The following ATIC variants were observed in gnomAD, a reference collection of about 807,000 sequenced individuals.
ATIC encodes the protein 5-aminoimidazole-4-carboxamide ribonucleotide formyltransferase/IMP cyclohydrolase, also known as bifunctional purine biosynthesis protein ATIC.
A neutral mutation model predicts 72.5 loss-of-function variants in ATIC; 64 were observed. The ratio of observed to expected loss-of-function variants is 0.88; its 90% CI spans 0.72 to 1.09. The LOEUF (loss-of-function observed/expected upper bound fraction) is 1.09. Ranked by LOEUF, ATIC falls within the 50% of genes least tolerant of loss-of-function variation. The pLI is 0.00. For missense variants in ATIC, 787 were observed against 732.4 expected, an observed-to-expected ratio of 1.07 and a Z score of -0.86; for synonymous variants, 281 against 267.1, an observed-to-expected ratio of 1.05 and a Z score of -0.51.
intron 7 of ATIC, among the ~76,000 whole-genome samples, chr2:215,331,660 G>A (rs916407920): frequency 5.9e-5 from 9 of 152,104 alleles, no homozygotes; most frequent in Admixed American, 5.9e-4. Flanking sequence ...GGGGTCATGG[G>A]GGTGAGCCAT....
intron 4 of ATIC, among the ~76,000 whole-genome samples, chr2:215,320,572 T>C (rs2052755814): frequency 6.6e-6 from 1 of 152,104 alleles, no homozygotes; most frequent in Admixed American, 6.6e-5. Flanking sequence ...TTAACTTTTA[T>C]TCTTAATTTA....
chr2:215,345,544 A>G (rs948122283), intron 13 of ATIC: 2 of 155,274 alleles, frequency 1.3e-5, no homozygotes, highest in African/African-American at 2.4e-5. Flanking sequence ...GAGCTGGTTC[A>G]TCTCTGAGGT....
chr2:215,321,964 C>T (rs545169756), intron 4 of ATIC, among the ~76,000 whole-genome samples: 6 of 152,074 alleles, frequency 3.9e-5, no homozygotes, highest in Non-Finnish European at 7.4e-5. Context: ...AGCACAGTGG[C>T]GTCATCTTGG....
At chr2:215,347,429 G>A (rs570437887) in intron 14 of ATIC, among the ~76,000 whole-genome samples, 1 of 152,180 alleles carries the variant, frequency 6.6e-6, no homozygotes, top group African/African-American at 2.4e-5. Flanking sequence ...ATGTTCTTCT[G>A]TTTGAAGAAG....
chr2:215,346,797 C>A lies in ATIC; in HGVS notation c.1359C>A (p.His453Gln). The A allele has an allele frequency of 4.3e-6, 7 of 1,614,206 alleles. No individual in the cohort carries two copies. The highest frequency in any genetic ancestry group is 5.9e-6 in the Non-Finnish European group (7 of 1,180,038). The change falls in exon 14 of 16, where the codon CAC becomes CAA. Residue 453 changes from histidine to glutamine, a missense_variant. Physicochemically the swap from His to Gln is conservative, Grantham distance 24. Transcript: ENST00000236959. ...GAGCAGGACAGCAGTCTCGTATACA[C>A]TGCACTCGCCTTGCAGGAGATAAGG... is the stretch of plus-strand genomic sequence containing the variant. ...GIGAGQQSRI[H>Q]CTRLAGDKAN...
At chr2:215,320,562 T>C (rs2052755719) in intron 4 of ATIC, among the ~76,000 whole-genome samples, 1 of 152,090 alleles carries the variant, frequency 6.6e-6, no homozygotes, top group African/African-American at 2.4e-5. Context: ...CTTTTACTTT[T>C]TAACTTTTAT....
At chr2:215,328,207 C>T (rs898421218) in intron 7 of ATIC, among the ~76,000 whole-genome samples, 9 of 152,130 alleles carry the variant, frequency 5.9e-5, no homozygotes, top group Non-Finnish European at 1.2e-4. Context: ...ACTAACACTT[C>T]CCAAATCCCC....
At position 215,325,300 on chromosome 2, in the gene ATIC, T is replaced by C. The variant is rs375997993; in HGVS notation, c.350T>C (p.Val117Ala). The change falls in exon 5 of 16, where the codon GTT (valine) becomes GCT (alanine). Residue 117 changes from valine (V) to alanine (A), a missense_variant. By Grantham distance (64) the Val-to-Ala change is moderately conservative. Transcript: ENST00000236959. ...ACAGTGGCTTCTCCAGGTGTAACTGTTGAGGAGGCTGTGGAGCAAATTGAC... is the reference window on the plus strand; with the variant it reads ...ACAGTGGCTTCTCCAGGTGTAACTGCTGAGGAGGCTGTGGAGCAAATTGAC... ...VKTVASPGVTVEEAVEQIDIG... is the reference protein window; with the variant it reads ...VKTVASPGVTAEEAVEQIDIG... 2.2e-5 allele frequency: 36 copies of C among 1,613,626 alleles called. No homozygotes were observed. The African/African-American group carries it at 4.5e-4, about 20-fold the overall frequency.
chr2:215,340,075 G>C (rs2053003061), intron 12 of ATIC, among the ~76,000 whole-genome samples: 1 of 152,130 alleles, frequency 6.6e-6, no homozygotes, highest in Admixed American at 6.5e-5. Flanking sequence ...CTGCAACGTG[G>C]ATCTTCTGAT....
chr2:215,346,751 T>C lies in ATIC; in HGVS notation c.1321-8T>C. ...AGAGGTGTTCACTTTAATGTCTGTG[T>C]TCCTCAGGTTATCGGCATTGGAGCA... On this transcript the variant is annotated splice_polypyrimidine_tract_variant and splice_region_variant and intron_variant, in intron 13 of 15. Transcript: ENST00000236959. 5 of 1,614,034 alleles carry C rather than the reference T, an allele frequency of 3.1e-6. No homozygotes were observed. Among genetic ancestry groups the C allele is most frequent in the Non-Finnish European group, 4.2e-6 (5 of 1,179,936 alleles).
the ATIC span, among the ~76,000 whole-genome samples, chr2:215,359,956 T>C: frequency 2.0e-5 from 3 of 152,194 alleles, no homozygotes; most frequent in African/African-American, 7.2e-5. Context: ...TTATGTTTTT[T>C]GGGATGGAGT....
At chr2:215,335,305 A>G (rs2052942692) in intron 10 of ATIC, among the ~76,000 whole-genome samples, 1 of 152,108 alleles carries the variant, frequency 6.6e-6, no homozygotes, top group Non-Finnish European at 1.5e-5. Context: ...AGAAGTTGTA[A>G]TTTTAGGTGG....
chr2:215,320,756 T>C, intron 4 of ATIC, among the ~76,000 whole-genome samples: 1 of 152,126 alleles, frequency 6.6e-6, no homozygotes, highest in East Asian at 1.9e-4. Flanking sequence ...ATTTTTACTA[T>C]TTTTAGTAGA....
chr2:215,326,863 T>G lies in ATIC; in HGVS notation c.573T>G (p.Asp191Glu), dbSNP rs77239104. ...HTAQYDEAIS[D>E]YFRKQYSKGV... ...CACAATATGATGAAGCAATTTCAGA[T>G]TATTTCAGGAAACAGTACAGCAAAG... The change falls in exon 7 of 16, where the codon GAT becomes GAG. Residue 191 changes from aspartate (D) to glutamate (E), a missense_variant. Asp to Glu is a conservative substitution (Grantham distance 45). Coordinates refer to ENST00000236959, the MANE Select transcript of ATIC (RefSeq NM_004044.7). The G allele has an allele frequency of 3.5e-4, 561 of 1,614,140 alleles. 4 individuals are homozygous for G. In the East Asian group the frequency reaches 9.1e-3, roughly 26 times the overall value.
At chr2:215,315,537 C>G (rs1450832189) in intron 2 of ATIC, among the ~76,000 whole-genome samples, 2 of 152,052 alleles carry the variant, frequency 1.3e-5, no homozygotes, top group African/African-American at 4.8e-5. Context: ...TTGTATTTTT[C>G]ATAGAGATGG....
chr2:215,318,544 AAAAT>A (rs2052734395), intron 3 of ATIC, among the ~76,000 whole-genome samples: 1 of 152,238 alleles, frequency 6.6e-6, no homozygotes, highest in Non-Finnish European at 1.5e-5. Context: ...AAATACTTTT[AAAAT>A]AGTTCAAACT....
chr2:215,317,642 C>G (rs183529697), intron 2 of ATIC, among the ~76,000 whole-genome samples: 2 of 151,992 alleles, frequency 1.3e-5, no homozygotes, highest in Non-Finnish European at 2.9e-5. Flanking sequence ...CCCGCCATCA[C>G]GCTCGGCTAA....
intron 14 of ATIC, 97 bp from the exon 15 acceptor site, chr2:215,348,997 G>C: frequency 8.3e-7 from 1 of 1,207,786 alleles, no homozygotes; most frequent in Admixed American, 2.3e-5. Flanking sequence ...CAAGTCCTAA[G>C]AAAAATGCCC....
intron 2 of ATIC, 56 bp downstream of exon 2, chr2:215,312,680 T>C: frequency 6.2e-7 from 1 of 1,613,366 alleles, no homozygotes; most frequent in Non-Finnish European, 8.5e-7. Context: ...CCAGGAAGTA[T>C]TGTATTCCAG....
Sources: gnomAD v4.1 joint callset for allele counts (sites outside exome capture counted in the v4.1 genomes callset) on GRCh38, gnomAD v4.1.1 for gene constraint, MANE v1.5 for transcripts, NCBI Gene and HGNC (gene_info 2026-07-23, HGNC 2026-07-21) for gene names.